Variants in DLC1 observed in about 807,000 individuals in gnomAD.
DLC1 encodes the protein rho GTPase-activating protein 7.
In DLC1, 54 loss-of-function variants were observed where a neutral mutation model predicts 140.3. The ratio of observed to expected loss-of-function variants is 0.38; its 90% CI spans 0.31 to 0.48. The LOEUF is 0.48. DLC1 is among the 20% of genes least tolerant of loss of function. The probability of loss-of-function intolerance (pLI) is 0.96; values close to 1 mark genes in which losing one functional copy is unlikely to be tolerated. For missense variants in DLC1, 2,536 were observed against 1,907.0 expected, an observed-to-expected ratio of 1.33 and a Z score of -6.14; for synonymous variants, 986 against 728.1, an observed-to-expected ratio of 1.35 and a Z score of -5.70.
intron 2 of DLC1, among the ~76,000 whole-genome samples, chr8:13,434,318 C>G (rs531727615): frequency 1.3e-5 from 2 of 152,304 alleles, no homozygotes; most frequent in African/African-American, 4.8e-5. Context: ...TCAGATAACT[C>G]TCTATAACCC....
Position 13,533,447 on chromosome 8 carries a change from A to G in DLC1, c.-125-33251T>C, listed in dbSNP as rs182153910. Among the ~76,000 whole-genome samples, 179 of 152,304 alleles carry G rather than the reference A, an allele frequency of 1.2e-3. 1 individual carries two copies. Among genetic ancestry groups the G allele is most frequent in the Non-Finnish European group, 2.0e-3 (135 of 68,038 alleles). The stretch of plus-strand genomic sequence containing the variant: ...TGGACCCCAGTTTTCTCATCTTAAA[A>G]TGAGTGGGAGGGACTCAATATGAAC... On this transcript the variant is annotated intron_variant, in intron 1 of 1. Transcript: ENST00000631382.
At position 13,591,985 on chromosome 8, in the gene DLC1, G is replaced by A. The variant is rs181030607; in HGVS notation, c.-126+12552C>T. Among the ~76,000 whole-genome samples the A allele has an allele frequency of 5.9e-5, 9 of 152,138 alleles. No homozygotes were observed. In the East Asian group the frequency reaches 1.7e-3, roughly 29 times the overall value. On this transcript the variant is annotated intron_variant, in intron 1 of 1. Transcript: ENST00000631382. ...ATCAGCACCTGGTTACAAGTATCTG[G>A]AGTTTGGAGGTTGCAATCAGATATG...
chr8:13,477,861 A>AC (rs1800507877), intron 2 of DLC1, among the ~76,000 whole-genome samples: 1 of 152,202 alleles, frequency 6.6e-6, no homozygotes, highest in African/African-American at 2.4e-5. Context: ...GTTAGAAAAA[A>AC]AAAATCAATA....
Position 13,272,084 on chromosome 8 carries a change from C to A in DLC1, c.1348+33185G>T, listed in dbSNP as rs191744020. 2.3e-3 allele frequency among the ~76,000 whole-genome samples: 344 copies of A among 152,292 alleles called. 4 individuals carry two copies. The highest frequency in any genetic ancestry group is 7.3e-3 in the African/African-American group (302 of 41,556). ...TGTTCTCCAAATTGAGAGAAGAAAT[C>A]CCTTCTTTTAAAAAGTCAATGTCAT... On this transcript the variant is annotated intron_variant, in intron 5 of 17. Transcript: ENST00000276297.
At chr8:13,234,797 G>A (rs938946164) in intron 5 of DLC1, among the ~76,000 whole-genome samples, 13 of 151,870 alleles carry the variant, frequency 8.6e-5, no homozygotes. Flanking sequence ...AATTTGGTGG[G>A]GATTATTTTT....
chr8:13,150,139 TAGAC>T (rs35712836), intron 5 of DLC1, among the ~76,000 whole-genome samples: 22,265 of 152,156 alleles, frequency 0.15, 1,734 homozygotes, highest in Non-Finnish European at 0.17. Context: ...CCAGCCCTCT[TAGAC>T]AGCTTAAAAG....
intron 4 of DLC1, among the ~76,000 whole-genome samples, chr8:13,347,799 G>C (rs755452756): frequency 6.6e-6 from 1 of 152,218 alleles, no homozygotes; most frequent in Admixed American, 6.5e-5. Context: ...ACAGAGTAGA[G>C]GCCCTTAATC....
At chr8:13,244,547 CT>C (rs1380335343) in intron 5 of DLC1, among the ~76,000 whole-genome samples, 3 of 152,114 alleles carry the variant, frequency 2.0e-5, no homozygotes, top group African/African-American at 7.2e-5. Flanking sequence ...GATCCTCCCA[CT>C]TCAGTCTCCC....
At position 13,499,585 on chromosome 8, in the gene DLC1, A is replaced by C. The variant is rs200796829; in HGVS notation, c.487T>G (p.Ser163Ala). ...TCAGTTTCACCAGCTATTCCCCAGGAGTTAGAAGAAACTTGGTTACTTTGT... is the reference window on the plus strand; with the variant it reads ...TCAGTTTCACCAGCTATTCCCCAGGCGTTAGAAGAAACTTGGTTACTTTGT... ...IIQSNQVSSN[S>A]WGIAGETELA... Residue 163 changes from serine to alanine, a missense_variant, in exon 2 of 18, where the codon TCC becomes GCC. By Grantham distance (99) the Ser-to-Ala change is moderately conservative. Coordinates refer to ENST00000276297, the MANE Select transcript of DLC1 (RefSeq NM_182643.3). The C allele has an allele frequency of 6.2e-7, 1 of 1,614,102 alleles. No individual in the cohort carries two copies. The highest frequency in any genetic ancestry group is 2.2e-5 in the East Asian group (1 of 44,868).
chr8:13,260,442 G>A (rs182195676), intron 5 of DLC1, among the ~76,000 whole-genome samples: 43 of 152,244 alleles, frequency 2.8e-4, no homozygotes, highest in Non-Finnish European at 5.6e-4. Context: ...TGAAGGAGAG[G>A]TAAGGCCACC....
intron 5 of DLC1, among the ~76,000 whole-genome samples, chr8:13,170,459 G>T (rs527576927): frequency 3.7e-4 from 57 of 152,098 alleles, no homozygotes; most frequent in African/African-American, 1.3e-3. Flanking sequence ...GGCCGGGCGC[G>T]GTGGCTCACG....
At chr8:13,339,699 G>A (rs1833954585) in intron 4 of DLC1, 1 of 151,976 alleles carries the variant, frequency 6.6e-6, no homozygotes, top group Non-Finnish European at 1.5e-5. Flanking sequence ...GTATTTTTTT[G>A]TTAAGAAAAT....
chr8:13,509,299 G>A (rs1032364170), intron 1 of DLC1, among the ~76,000 whole-genome samples: 1 of 152,076 alleles, frequency 6.6e-6, no homozygotes, highest in Non-Finnish European at 1.5e-5. Flanking sequence ...TTGACAGTAG[G>A]GAATTACATT....
At chr8:13,539,260 C>T (rs147780608) in intron 1 of DLC1, among the ~76,000 whole-genome samples, 1,929 of 152,080 alleles carry the variant, frequency 0.013, 22 homozygotes, top group Non-Finnish European at 0.016. Context: ...AGTGCAGTGG[C>T]GCAATCTCAG....
In DLC1 at chr8:13,393,684, A is replaced by C. The variant is rs199830220; in HGVS notation, c.1183T>G (p.Ser395Ala). Residue 395 changes from serine to alanine, a missense_variant, in exon 4 of 18, where the codon TCA becomes GCA. By Grantham distance (99) the Ser-to-Ala change is moderately conservative. Coordinates refer to ENST00000276297, the MANE Select transcript of DLC1 (RefSeq NM_182643.3). ...GTATCTGCTCCACTTTCAGATCCTGATTCCAGATCCTATTAAAAAACAAAT... is the reference window on the plus strand; with the variant it reads ...GTATCTGCTCCACTTTCAGATCCTGCTTCCAGATCCTATTAAAAAACAAAT... ...NLRRHVPDLESGSESGADTIS... is the reference protein window; with the variant it reads ...NLRRHVPDLEAGSESGADTIS... 1.9e-6 allele frequency: 3 copies of C among 1,612,934 alleles called. No individual in the cohort carries two copies. In the East Asian group the frequency reaches 6.7e-5, roughly 36 times the overall value.
chr8:13,133,524 C>T lies in DLC1; in HGVS notation c.1349-17867G>A, dbSNP rs11989366. The T allele has an allele frequency of 0.13, 17,961 of 142,886 alleles. 1,319 individuals carry two copies. Among genetic ancestry groups the T allele is most frequent in the Non-Finnish European group, 0.15 (9,705 of 66,440 alleles). 8.9% of individuals were successfully genotyped at this position (142,886 alleles called of 1,614,324 possible). A position where few individuals can be genotyped will look rare whatever the true frequency, so the allele number is the denominator to read the frequency against. ...CCCAGGCCCCGCCTCTCCTCTGTCC[C>T]GCCCCCTCGGTTCCCTCCTCCCCCC... On this transcript the variant is annotated intron_variant, in intron 5 of 17. Coordinates refer to ENST00000276297, the MANE Select transcript of DLC1 (RefSeq NM_182643.3).
intron 2 of DLC1, among the ~76,000 whole-genome samples, chr8:13,439,141 A>T (rs1045841009): frequency 6.6e-6 from 1 of 152,128 alleles, no homozygotes; most frequent in Non-Finnish European, 1.5e-5. Context: ...CCTGGCAAAC[A>T]TGGTGAATTC....
At chr8:13,097,273 A>ATTATTATTT (rs1377225334) in intron 10 of DLC1, among the ~76,000 whole-genome samples, 10 of 150,950 alleles carry the variant, frequency 6.6e-5, no homozygotes, top group South Asian at 6.3e-4. Flanking sequence ...TATTATTATT[A>ATTATTATTT]TTTTTTGAGA....
rs143967997 is a variant in DLC1, at chr8:13,583,496, G to C, written c.-126+21041C>G. Among the ~76,000 whole-genome samples the C allele has an allele frequency of 5.3e-5, 8 of 152,180 alleles. No individual in the cohort carries two copies. The South Asian group carries it at 1.7e-3, about 32-fold the overall frequency. On this transcript the variant is annotated intron_variant, in intron 1 of 1. Transcript: ENST00000631382. Reference sequence around the variant, plus strand: ...CTCTTGCTATTTCTATCATATCTGCGACAACTTCCTGTACTGAAGTCTTAA... The same window carrying C: ...CTCTTGCTATTTCTATCATATCTGCCACAACTTCCTGTACTGAAGTCTTAA...
Sources: allele counts gnomAD v4.1 joint callset (sites outside exome capture counted in the v4.1 genomes callset), GRCh38; gene constraint gnomAD v4.1.1; transcripts MANE v1.5; gene names NCBI Gene and HGNC (gene_info 2026-07-23, HGNC 2026-07-21).